The following IL1RAPL2 variants were observed in gnomAD, a reference collection of about 807,000 sequenced individuals.
IL1RAPL2 encodes interleukin 1 receptor accessory protein like 2.
In IL1RAPL2, 3 loss-of-function variants were observed where a neutral mutation model predicts 44.1. The ratio of observed to expected loss-of-function variants is 0.07; its 90% confidence interval spans 0.03 to 0.18. IL1RAPL2 has a LOEUF of 0.18. Among genes scored for constraint, IL1RAPL2 ranks in the 10% least tolerant of loss-of-function variants. The pLI is 1.00. For missense variants in IL1RAPL2, 391 were observed against 496.4 expected, an observed-to-expected ratio of 0.79 and a Z score of 2.02; for synonymous variants, 181 against 178.8, an observed-to-expected ratio of 1.01 and a Z score of -0.10.
At chrX:104,809,947 A>G (rs1031402293) in intron 2 of IL1RAPL2, among the ~76,000 whole-genome samples, 23 of 111,244 alleles carry the variant, frequency 2.1e-4, no homozygotes, top group Admixed American at 1.4e-3. Flanking sequence ...TCATGCTGCT[A>G]TAAAGACACA....
At chrX:105,396,316 C>T (rs2035562055) in intron 5 of IL1RAPL2, among the ~76,000 whole-genome samples, 3 of 106,530 alleles carry the variant, frequency 2.8e-5, no homozygotes, top group Non-Finnish European at 5.8e-5. Context: ...ATGCCCCTTC[C>T]CTCCTTCCTT....
chrX:104,688,241 T>C (rs1443203302), intron 2 of IL1RAPL2, among the ~76,000 whole-genome samples: 1 of 112,073 alleles, frequency 8.9e-6, no homozygotes, highest in Non-Finnish European at 1.9e-5. Context: ...CTCAGAGAGG[T>C]TGTCACTAAC....
intron 2 of IL1RAPL2, among the ~76,000 whole-genome samples, chrX:104,926,887 T>C (rs1677736299): frequency 9.0e-6 from 1 of 111,602 alleles, no homozygotes; most frequent in African/African-American, 3.3e-5. Context: ...CCAGTGAGAT[T>C]TGTATATCTG....
chrX:105,460,498 C>A (rs1408766936), intron 5 of IL1RAPL2, among the ~76,000 whole-genome samples: 1 of 110,207 alleles, frequency 9.1e-6, no homozygotes, highest in Non-Finnish European at 1.9e-5. Flanking sequence ...CTTCTTTTTA[C>A]ATTGGGTCTC....
At chrX:104,760,894 A>T (rs1932416275) in intron 2 of IL1RAPL2, among the ~76,000 whole-genome samples, 2 of 111,473 alleles carry the variant, frequency 1.8e-5, no homozygotes, top group Non-Finnish European at 3.8e-5. Flanking sequence ...GTTTTCTTGT[A>T]GTAGTTTCAT....
chrX:105,461,452 T>C (rs1056985490), intron 5 of IL1RAPL2, among the ~76,000 whole-genome samples: 1 of 111,240 alleles, frequency 9.0e-6, no homozygotes, highest in African/African-American at 3.3e-5. Flanking sequence ...TACTAAATGT[T>C]ACCCTAGTGG....
intron 2 of IL1RAPL2, among the ~76,000 whole-genome samples, chrX:104,689,607 G>A (rs771775278): frequency 8.9e-5 from 10 of 111,943 alleles, no homozygotes; most frequent in Non-Finnish European, 1.9e-4. Flanking sequence ...AGCACTGCTG[G>A]TATAGCTTCC....
chrX:104,687,232 G>A (rs191039315), intron 2 of IL1RAPL2, among the ~76,000 whole-genome samples: 63 of 111,967 alleles, frequency 5.6e-4, no homozygotes, highest in Non-Finnish European at 1.9e-4. Context: ...AGTTTATTTG[G>A]CTCAGGGTTC....
At chrX:104,672,783 G>A (rs1379875540) in intron 2 of IL1RAPL2, among the ~76,000 whole-genome samples, 409 of 107,863 alleles carry the variant, frequency 3.8e-3, no homozygotes, top group African/African-American at 0.013. Flanking sequence ...TTTAATGATC[G>A]CCATTCTAAC....
intron 2 of IL1RAPL2, among the ~76,000 whole-genome samples, chrX:104,676,893 G>A (rs966067451): frequency 2.7e-5 from 3 of 110,916 alleles, no homozygotes; most frequent in Non-Finnish European, 5.7e-5. Flanking sequence ...TGATCACATC[G>A]GCTCTTGAGG....
chrX:105,356,843 G>C (rs1322812467), intron 5 of IL1RAPL2, among the ~76,000 whole-genome samples: 2 of 112,096 alleles, frequency 1.8e-5, no homozygotes, highest in South Asian at 7.4e-4. Flanking sequence ...CCCAATTTAT[G>C]ATGCTATATC....
Position 104,894,344 on chromosome X carries a change from G to A in IL1RAPL2, c.82+235349G>A, listed in dbSNP as rs774393611. ...GAATGTTGGCCTGCCTTGCTAGGTT[G>A]GGGAACTTCTCCTGGATAATATCCT... On this transcript the variant is annotated intron_variant, in intron 2 of 10. Coordinates refer to ENST00000372582, the MANE Select transcript of IL1RAPL2 (RefSeq NM_017416.2). Among the ~76,000 whole-genome samples the A allele has an allele frequency of 5.4e-5, 6 of 111,738 alleles. No homozygotes were observed. In the South Asian group the frequency reaches 2.3e-3, roughly 42 times the overall value.
chrX:104,945,859 AC>A (rs1192934078), intron 2 of IL1RAPL2, among the ~76,000 whole-genome samples: 2 of 110,085 alleles, frequency 1.8e-5, no homozygotes, highest in Non-Finnish European at 3.8e-5. Context: ...AACTATATAG[AC>A]CTTTTTTGAA....
At chrX:105,311,206 A>G (rs1171187257) in intron 5 of IL1RAPL2, among the ~76,000 whole-genome samples, 3 of 111,360 alleles carry the variant, frequency 2.7e-5, no homozygotes, top group Non-Finnish European at 5.7e-5. Context: ...TCTTATAGAC[A>G]ACATATAGAT....
chrX:105,239,007 A>C (rs1338007251), intron 4 of IL1RAPL2, among the ~76,000 whole-genome samples: 1 of 111,819 alleles, frequency 8.9e-6, no homozygotes, highest in Non-Finnish European at 1.9e-5. Flanking sequence ...AAGAGTTTGG[A>C]GTATGCCCCT....
intron 5 of IL1RAPL2, among the ~76,000 whole-genome samples, chrX:105,374,570 T>C (rs965595215): frequency 9.0e-6 from 1 of 111,023 alleles, no homozygotes; most frequent in Non-Finnish European, 1.9e-5. Flanking sequence ...TGGATAGCTG[T>C]ATCCCTAGGT....
At chrX:105,447,805 C>A (rs180900084) in intron 5 of IL1RAPL2, among the ~76,000 whole-genome samples, 10 of 76,998 alleles carry the variant, frequency 1.3e-4, no homozygotes, top group Admixed American at 7.0e-4. Flanking sequence ...ATATATTATA[C>A]ATATAAATAT....
intron 7 of IL1RAPL2, among the ~76,000 whole-genome samples, chrX:105,729,256 G>A (rs1264331029): frequency 1.8e-5 from 2 of 111,275 alleles, no homozygotes; most frequent in Non-Finnish European, 3.8e-5. Flanking sequence ...ACAATGTTTA[G>A]CTTTTTAAGT....
intron 2 of IL1RAPL2, among the ~76,000 whole-genome samples, chrX:105,013,415 G>A (rs1256176960): frequency 9.1e-6 from 1 of 110,458 alleles, no homozygotes; most frequent in African/African-American, 3.3e-5. Flanking sequence ...TACTAGAGAG[G>A]GATGTAGAGG....
Sources: allele counts gnomAD v4.1 joint callset (sites outside exome capture counted in the v4.1 genomes callset), GRCh38; gene constraint gnomAD v4.1.1; transcripts MANE v1.5; gene names NCBI Gene and HGNC (gene_info 2026-07-23, HGNC 2026-07-21).